SBF2: variants seen among roughly 807,000 people sequenced by gnomAD.
The protein encoded by SBF2 is SET binding factor 2.
Under a neutral mutation model 225.2 loss-of-function variants are expected in SBF2, and 112 were observed. The observed-to-expected ratio is 0.50, with a 90% CI of 0.43 to 0.58. The LOEUF (loss-of-function observed/expected upper bound fraction) is 0.58. SBF2 is among the 20% of genes least tolerant of loss of function. The pLI, the probability that SBF2 is intolerant of heterozygous loss-of-function variation, is 0.00. For missense variants in SBF2, 1,996 were observed against 2,206.2 expected, an observed-to-expected ratio of 0.90 and a Z score of 1.91; for synonymous variants, 763 against 773.3, an observed-to-expected ratio of 0.99 and a Z score of 0.22.
chr11:9,852,230 G>A (rs1857010027), intron 21 of SBF2, among the ~76,000 whole-genome samples: 1 of 152,196 alleles, frequency 6.6e-6, no homozygotes, highest in African/African-American at 2.4e-5. Flanking sequence ...TCAGGAGGCT[G>A]GGGTTGGGTC....
At chr11:10,095,844 C>A (rs1565223483) in intron 2 of SBF2, among the ~76,000 whole-genome samples, 4 of 152,028 alleles carry the variant, frequency 2.6e-5, no homozygotes, top group African/African-American at 9.7e-5. Flanking sequence ...CACAGTTGAG[C>A]AAAATGTCCC....
intron 21 of SBF2, among the ~76,000 whole-genome samples, chr11:9,851,323 G>C (rs1856937171): frequency 6.6e-6 from 1 of 152,096 alleles, no homozygotes; most frequent in Non-Finnish European, 1.5e-5. Flanking sequence ...AGTATAGGGA[G>C]GACTGCAGGG....
intron 1 of SBF2, among the ~76,000 whole-genome samples, chr11:10,263,914 T>C (rs1591329890): frequency 6.6e-6 from 1 of 152,186 alleles, no homozygotes; most frequent in African/African-American, 2.4e-5. Context: ...AGGAAAATTA[T>C]CCAAACAGGT....
intron 1 of SBF2, among the ~76,000 whole-genome samples, chr11:10,263,795 T>C (rs772475162): frequency 6.6e-6 from 1 of 152,134 alleles, no homozygotes; most frequent in Admixed American, 6.5e-5. Flanking sequence ...TTAAACACAT[T>C]TGAACATCCT....
In SBF2 at chr11:9,912,006, A is replaced by T. The variant is rs191982966; in HGVS notation, c.1861-15995T>A. ...CAACACAATTCATAAACTTTTTAAA[A>T]ACACTATAAATTTTTTTTGTTATTT... On this transcript the variant is annotated intron_variant, in intron 16 of 39. Transcript: ENST00000256190. Among the ~76,000 whole-genome samples, 563 of 152,352 alleles carry T rather than the reference A, an allele frequency of 3.7e-3. 3 individuals are homozygous for T. Among genetic ancestry groups the T allele is most frequent in the South Asian group, 5.0e-3 (24 of 4,834 alleles).
At chr11:10,248,487 C>T (rs565066778) in intron 1 of SBF2, among the ~76,000 whole-genome samples, 7 of 152,266 alleles carry the variant, frequency 4.6e-5, no homozygotes, top group African/African-American at 1.7e-4. Flanking sequence ...AAGAGTCAGA[C>T]CTTATCTTCA....
chr11:10,292,002 C>T (rs1459036361), intron 1 of SBF2, among the ~76,000 whole-genome samples: 1 of 152,176 alleles, frequency 6.6e-6, no homozygotes, highest in East Asian at 1.9e-4. Flanking sequence ...TACAAAGTGA[C>T]TGACCTGTAA....
chr11:9,781,029 G>C (rs1851971146), intron 39 of SBF2, among the ~76,000 whole-genome samples: 1 of 152,238 alleles, frequency 6.6e-6, no homozygotes, highest in Non-Finnish European at 1.5e-5. Context: ...AGCCCTGCTT[G>C]ACTCCAGGGA....
At chr11:9,858,092 C>T (rs929547702) in intron 18 of SBF2, 134 bp downstream of exon 18, 13 of 905,420 alleles carry the variant, frequency 1.4e-5, no homozygotes, top group Non-Finnish European at 2.2e-5. Flanking sequence ...GGAAAGATAT[C>T]ACAGGGCTCC....
chr11:9,997,745 TCCAGC>T, intron 9 of SBF2, among the ~76,000 whole-genome samples: 1 of 152,186 alleles, frequency 6.6e-6, no homozygotes, highest in Admixed American at 6.5e-5. Context: ...GCCACTGCAC[TCCAGC>T]CTGGGCGACA....
intron 2 of SBF2, among the ~76,000 whole-genome samples, chr11:10,098,572 C>CA: frequency 6.7e-6 from 1 of 150,068 alleles, no homozygotes; most frequent in African/African-American, 2.4e-5. Flanking sequence ...AATTGCCTGA[C>CA]AAAGAACTCA....
At chr11:9,994,280 C>T (rs927072673) in intron 9 of SBF2, among the ~76,000 whole-genome samples, 1 of 151,640 alleles carries the variant, frequency 6.6e-6, no homozygotes, top group African/African-American at 2.4e-5. Context: ...CGAGACCATC[C>T]TGGCTAACAC....
At chr11:9,819,479 A>G (rs192519100) in intron 28 of SBF2, 42 of 152,334 alleles carry the variant, frequency 2.8e-4, no homozygotes, top group Non-Finnish European at 5.1e-4. Context: ...ACAGTCACAA[A>G]AAAAAGATGT....
chr11:9,924,910 A>C (rs1750170802), intron 16 of SBF2, among the ~76,000 whole-genome samples: 1 of 151,612 alleles, frequency 6.6e-6, no homozygotes, highest in Non-Finnish European at 1.5e-5. Flanking sequence ...CATCATGTCC[A>C]GCTATTTTTT....
intron 16 of SBF2, among the ~76,000 whole-genome samples, chr11:9,930,169 C>T (rs1244340129): frequency 6.6e-6 from 1 of 151,840 alleles, no homozygotes; most frequent in Admixed American, 6.6e-5. Flanking sequence ...AAAAAAAGTA[C>T]AAACAGGTGA....
intron 1 of SBF2, among the ~76,000 whole-genome samples, chr11:10,222,006 ACT>A (rs1471119232): frequency 6.6e-6 from 1 of 152,158 alleles, no homozygotes; most frequent in East Asian, 1.9e-4. Context: ...CTAGTTACAA[ACT>A]CTGTACAAAT....
intron 1 of SBF2, among the ~76,000 whole-genome samples, chr11:10,213,536 T>C (rs1958016309): frequency 6.6e-6 from 1 of 152,246 alleles, no homozygotes; most frequent in Admixed American, 6.5e-5. Flanking sequence ...GCATAGGTTT[T>C]TGCTAACATA....
intron 2 of SBF2, among the ~76,000 whole-genome samples, chr11:10,093,389 A>C (rs545073195): frequency 3.3e-5 from 5 of 151,696 alleles, no homozygotes; most frequent in African/African-American, 9.7e-5. Context: ...CTGGAAAAAA[A>C]AAAAAAACAA....
intron 1 of SBF2, among the ~76,000 whole-genome samples, chr11:10,217,869 C>A (rs1565365554): frequency 1.3e-5 from 2 of 152,094 alleles, no homozygotes; most frequent in Non-Finnish European, 2.9e-5. Flanking sequence ...GCCTCACAAT[C>A]ATGGTGGAAG....
Sources: gnomAD v4.1 joint callset for allele counts (sites outside exome capture counted in the v4.1 genomes callset) on GRCh38, gnomAD v4.1.1 for gene constraint, MANE v1.5 for transcripts, NCBI Gene and HGNC (gene_info 2026-07-23, HGNC 2026-07-21) for gene names.